The following JHY variants were observed in gnomAD, a reference collection of about 807,000 sequenced individuals.
JHY encodes jhy protein homolog.
JHY carries 69 observed loss-of-function variants against 78.0 expected under a neutral mutation model. That is an observed-to-expected ratio of 0.88 (90% CI 0.73 to 1.08). JHY has a LOEUF of 1.08. Ranked by LOEUF, JHY falls within the 50% of genes least tolerant of loss-of-function variation. JHY has a pLI of 0.00. For synonymous variants in JHY, 368 were observed against 342.6 expected (o/e 1.07, Z -0.82); for missense variants, 944 against 927.8 (o/e 1.02, Z -0.23).
chr11:122,922,952 C>T (rs898223382), intron 3 of JHY, among the ~76,000 whole-genome samples: 1 of 151,758 alleles, frequency 6.6e-6, no homozygotes, highest in Admixed American at 6.6e-5. Context: ...TGTAACAAAA[C>T]GCATGTAAAG....
chr11:122,945,951 T>C (rs1297899982), intron 5 of JHY, among the ~76,000 whole-genome samples: 1 of 152,188 alleles, frequency 6.6e-6, no homozygotes, highest in Non-Finnish European at 1.5e-5. Flanking sequence ...CCTCAAGTTA[T>C]AGTCTTCTTA....
At chr11:122,907,881 C>G (rs868603473) in intron 3 of JHY, among the ~76,000 whole-genome samples, 2 of 149,560 alleles carry the variant, frequency 1.3e-5, no homozygotes, top group Middle Eastern at 7.0e-3. Context: ...TCACTCAGAC[C>G]AATTTAAATC....
At chr11:122,913,601 A>G (rs1863176400) in intron 3 of JHY, among the ~76,000 whole-genome samples, 1 of 152,162 alleles carries the variant, frequency 6.6e-6, no homozygotes. Context: ...GTTCATGCTC[A>G]TGGGCTACTC....
At chr11:122,945,370 G>T (rs1011074990) in intron 5 of JHY, among the ~76,000 whole-genome samples, 1 of 152,064 alleles carries the variant, frequency 6.6e-6, no homozygotes, top group Admixed American at 6.6e-5. Flanking sequence ...CCAAAATACA[G>T]GATTTTTAAA....
rs765322035 is a variant in JHY, at chr11:122,949,119, G to A, written c.1929+2327G>A. On this transcript the variant is annotated intron_variant, in intron 6 of 8. Transcript: ENST00000227349. Reference sequence around the variant, plus strand: ...AGAAGACTGCAAGAGCAATTCAGGCGGGAGTACCAGTACGAACAAAGGTTC... The same window carrying A: ...AGAAGACTGCAAGAGCAATTCAGGCAGGAGTACCAGTACGAACAAAGGTTC... 7.9e-5 allele frequency among the ~76,000 whole-genome samples: 12 copies of A among 152,032 alleles called. No individual in the cohort carries two copies. The South Asian group carries it at 1.0e-3, about 13-fold the overall frequency.
At chr11:122,890,451 G>A (rs987685960) in intron 2 of JHY, among the ~76,000 whole-genome samples, 3 of 152,054 alleles carry the variant, frequency 2.0e-5, no homozygotes, top group Non-Finnish European at 2.9e-5. Flanking sequence ...TAGTCTCCTA[G>A]GTAATAAATG....
At chr11:122,926,602 A>G (rs1449004966) in intron 4 of JHY, among the ~76,000 whole-genome samples, 1 of 152,210 alleles carries the variant, frequency 6.6e-6, no homozygotes, top group African/African-American at 2.4e-5. Flanking sequence ...GAAATGTCTC[A>G]TGGCTGTGGG....
rs190521733 is a variant in JHY at position 122,930,121 on chromosome 11, C to T, written c.979-4299C>T. On this transcript the variant is annotated intron_variant, in intron 4 of 8. Transcript: ENST00000227349. The stretch of plus-strand genomic sequence containing the variant: ...TTTGAGAAAGGGTCTTGCTCTATCA[C>T]CCAGGATGGAGTACAGTATCGTGAT... Among the ~76,000 whole-genome samples the T allele has an allele frequency of 2.5e-3, 382 of 152,278 alleles. 1 individual carries two copies. The highest frequency in any genetic ancestry group is 8.5e-3 in the African/African-American group (355 of 41,540).
intron 5 of JHY, among the ~76,000 whole-genome samples, chr11:122,941,846 CTTT>C (rs1023323461): frequency 4.6e-5 from 7 of 151,938 alleles, no homozygotes; most frequent in African/African-American, 1.7e-4. Flanking sequence ...TAGAAATTCC[CTTT>C]TTGTTGTTTG....
intron 5 of JHY, among the ~76,000 whole-genome samples, chr11:122,943,586 C>A (rs1863913618): frequency 6.6e-6 from 1 of 152,168 alleles, no homozygotes; most frequent in African/African-American, 2.4e-5. Flanking sequence ...TTTTGCCTCA[C>A]AATTCCATTA....
intron 6 of JHY, 32 bp downstream of exon 6, chr11:122,946,824 C>G: frequency 6.3e-7 from 1 of 1,575,248 alleles, no homozygotes; most frequent in Non-Finnish European, 8.6e-7. Flanking sequence ...CCAAGTAACT[C>G]TTCCATTTTG....
At chr11:122,956,450 A>G (rs1377550379) in intron 6 of JHY, 46 bp from the exon 7 acceptor site, 9 of 1,564,362 alleles carry the variant, frequency 5.8e-6, no homozygotes, top group Non-Finnish European at 7.9e-6. Context: ...GAGTCGGGGG[A>G]CACACAAGTC....
At chr11:122,938,685 T>A (rs942671322) in intron 5 of JHY, among the ~76,000 whole-genome samples, 1 of 152,156 alleles carries the variant, frequency 6.6e-6, no homozygotes, top group Non-Finnish European at 1.5e-5. Flanking sequence ...TTCTTGATCA[T>A]CTTCTCATGA....
rs1379929440 is a variant in JHY at position 122,917,942 on chromosome 11, C to G, written c.865-6955C>G. On this transcript the variant is annotated intron_variant, in intron 3 of 8. Coordinates refer to ENST00000227349, the MANE Select transcript of JHY (RefSeq NM_024806.4). The surrounding 1 kb of genome is among the most constrained non-coding windows in gnomAD (Gnocchi z 4.1). ...TGGAGACACAGTCTCACTCTGTCAC[C>G]CAGGTTGGAATGCAGTGGCGCCATC... Among the ~76,000 whole-genome samples, 1 of 146,320 alleles carries G rather than the reference C, an allele frequency of 6.8e-6. No individual in the cohort carries two copies. The highest frequency in any genetic ancestry group is 1.5e-5 in the Non-Finnish European group (1 of 67,926).
intron 2 of JHY, among the ~76,000 whole-genome samples, chr11:122,899,088 C>T (rs944287937): frequency 3.3e-5 from 5 of 152,274 alleles, no homozygotes; most frequent in South Asian, 4.1e-4. Context: ...CCCTATGGCC[C>T]GGTGCTCCTC....
chr11:122,902,506 C>T (rs1260521355), intron 2 of JHY, among the ~76,000 whole-genome samples: 1 of 151,976 alleles, frequency 6.6e-6, no homozygotes, highest in Non-Finnish European at 1.5e-5. Context: ...CCTGTTCTTG[C>T]ATTGCTGCAA....
At chr11:122,937,956 G>A (rs1863792048) in intron 5 of JHY, among the ~76,000 whole-genome samples, 1 of 152,110 alleles carries the variant, frequency 6.6e-6, no homozygotes, top group Admixed American at 6.5e-5. Context: ...TGCATCCAGT[G>A]TTGCTGTTGA....
chr11:122,959,385 G>A lies in JHY; in HGVS notation c.2277G>A (p.Gln759=), dbSNP rs1459375188. The part of the protein sequence containing the change: ...LPEISLLEIL[Q]NRHEREKQAV... ...AAATCTCACTGCTGGAAATACTGCA[G>A]AACAGACACGAAAGGGAAAAACAGG... is the stretch of plus-strand genomic sequence containing the variant. Residue 759 remains glutamine, a synonymous_variant, in exon 9 of 9, where the codon CAG becomes CAA. Coordinates refer to ENST00000227349, the MANE Select transcript of JHY (RefSeq NM_024806.4). 2 of 1,614,008 alleles carry A rather than the reference G, an allele frequency of 1.2e-6. No homozygotes were observed. The highest frequency in any genetic ancestry group is 1.6e-4 in the Middle Eastern group (1 of 6,084).
chr11:122,913,660 C>G (rs1863176995), intron 3 of JHY, among the ~76,000 whole-genome samples: 1 of 152,174 alleles, frequency 6.6e-6, no homozygotes, highest in African/African-American at 2.4e-5. Context: ...TTTTGAGATT[C>G]AGCTCATATG....
Sources: allele counts gnomAD v4.1 joint callset (sites outside exome capture counted in the v4.1 genomes callset), GRCh38; gene constraint gnomAD v4.1.1; non-coding constraint Gnocchi (gnomAD v3.1); transcripts MANE v1.5; gene names NCBI Gene and HGNC (gene_info 2026-07-23, HGNC 2026-07-21).